SIN3A: variants seen among roughly 807,000 people sequenced by gnomAD.
The protein encoded by SIN3A is paired amphipathic helix protein Sin3a.
In SIN3A, 14 loss-of-function variants were observed where a neutral mutation model predicts 146.1. The ratio of observed to expected loss-of-function variants is 0.10; its 90% CI spans 0.06 to 0.15. The LOEUF (loss-of-function observed/expected upper bound fraction) is 0.15, where lower values mean the gene tolerates loss of function less well. SIN3A is among the 10% of genes least tolerant of loss of function. The pLI is 1.00. For missense variants in SIN3A, 1,028 were observed against 1,576.0 expected (o/e 0.65, Z 5.89); for synonymous variants, 572 against 572.0 (o/e 1.00, Z 0.00).
intron 9 of SIN3A, among the ~76,000 whole-genome samples, chr15:75,405,381 C>A (rs1005887858): frequency 1.6e-4 from 23 of 147,150 alleles, no homozygotes; most frequent in Non-Finnish European, 3.3e-4. Flanking sequence ...AAAAAAAAAA[C>A]CCAAAAATGT....
chr15:75,430,756 T>G (rs976187205), intron 1 of SIN3A, among the ~76,000 whole-genome samples: 8 of 152,152 alleles, frequency 5.3e-5, no homozygotes, highest in Admixed American at 2.6e-4. Context: ...CATATCTACA[T>G]GCTGCAAAAA....
intron 8 of SIN3A, among the ~76,000 whole-genome samples, chr15:75,408,787 A>G (rs1226568518): frequency 6.6e-6 from 1 of 152,266 alleles, no homozygotes; most frequent in Non-Finnish European, 1.5e-5. Context: ...ACAGGGTTCT[A>G]GACCAGAGAT....
intron 15 of SIN3A, among the ~76,000 whole-genome samples, chr15:75,390,669 C>T (rs769304512): frequency 1.3e-4 from 20 of 152,132 alleles, no homozygotes; most frequent in Non-Finnish European, 2.1e-4. Context: ...AACATAGGTA[C>T]GTCTAGTCTG....
intron 9 of SIN3A, among the ~76,000 whole-genome samples, chr15:75,404,840 G>T (rs1171930116): frequency 6.6e-6 from 1 of 151,924 alleles, no homozygotes; most frequent in Non-Finnish European, 1.5e-5. Context: ...ATTTTCAGAA[G>T]ACTCCTTAAG....
chr15:75,431,873 G>T (rs1451450855), intron 1 of SIN3A, among the ~76,000 whole-genome samples: 1 of 152,084 alleles, frequency 6.6e-6, no homozygotes, highest in East Asian at 1.9e-4. Flanking sequence ...ATACCTAAGT[G>T]GGACCCTGAC....
rs1440803297 is a variant in SIN3A at position 75,371,501 on chromosome 15, T to C, written c.*478A>G. ...CCAGAAAAAAAAAATCAAATCCAGC[T>C]TTTTTTTCCTTTTGTGGGGAGGGGA... On this transcript the variant is annotated 3_prime_UTR_variant, in exon 21 of 21. Coordinates refer to ENST00000394947, the MANE Select transcript of SIN3A (RefSeq NM_001145358.2). The C allele has an allele frequency of 6.5e-6, 1 of 154,378 alleles. No individual in the cohort carries two copies. Among genetic ancestry groups the C allele is most frequent in the African/African-American group, 2.4e-5 (1 of 41,428 alleles). The allele number at this position is 154,378 out of a possible 1,614,324, so 9.6% of individuals were successfully genotyped here. A position where few individuals can be genotyped will look rare whatever the true frequency, so the allele number is the denominator to read the frequency against.
intron 1 of SIN3A, among the ~76,000 whole-genome samples, chr15:75,441,272 C>A (rs1205574543): frequency 6.6e-6 from 1 of 152,042 alleles, no homozygotes; most frequent in African/African-American, 2.4e-5. Context: ...CCACTACACT[C>A]CAGCGTGGGC....
chr15:75,372,161 C>A lies in SIN3A; in HGVS notation c.3640G>T (p.Val1214Leu), dbSNP rs750796375. ...ACATGCTCCTTGGTCCATTTATCTA[C>A]CCAGGCCTGGAATCTCTGATGTAGA... ...KRLHQRFQAW[V>L]DKWTKEHVPR... The change falls in exon 21 of 21, where the codon GTA becomes TTA. Residue 1214 changes from valine (V) to leucine (L), a missense_variant. Physicochemically the swap from Val to Leu is conservative, Grantham distance 32 (BLOSUM62 1). Around this residue, in one of 9 missense-constraint regions of SIN3A, gnomAD observed 488 missense variants for 690.2 expected, o/e 0.71. Coordinates refer to ENST00000394947, the MANE Select transcript of SIN3A (RefSeq NM_001145358.2). 1.7e-5 allele frequency: 28 copies of A among 1,614,042 alleles called. No individual in the cohort carries two copies. The highest frequency in any genetic ancestry group is 2.4e-5 in the Non-Finnish European group (28 of 1,179,984).
rs2072707156 is a variant in SIN3A, at chr15:75,370,044, G to A, written c.*1935C>T. The A allele has an allele frequency of 6.6e-6, 1 of 152,490 alleles. No homozygotes were observed. Among genetic ancestry groups the A allele is most frequent in the Admixed American group, 6.5e-5 (1 of 15,274 alleles). The allele number at this position is 152,490 out of a possible 1,614,324, so 9.4% of individuals were successfully genotyped here. A position where few individuals can be genotyped will look rare whatever the true frequency, so the allele number is the denominator to read the frequency against. On this transcript the variant is annotated 3_prime_UTR_variant, in exon 21 of 21. Coordinates refer to ENST00000394947, the MANE Select transcript of SIN3A (RefSeq NM_001145358.2). ...GTGGGAGGACAGCTTGAGGCCAGGA[G>A]TTTGAGACCAACCTGGGCAGCATAG...
At chr15:75,410,403 G>T in intron 6 of SIN3A, 117 bp from the exon 7 acceptor site, 1 of 1,017,468 alleles carries the variant, frequency 9.8e-7, no homozygotes, top group Non-Finnish European at 1.4e-6. Flanking sequence ...GAAAGTCTAT[G>T]TTCTTAGCAC....
intron 12 of SIN3A, among the ~76,000 whole-genome samples, chr15:75,398,952 G>C (rs2073355271): frequency 6.6e-6 from 1 of 151,514 alleles, no homozygotes; most frequent in South Asian, 2.1e-4. Context: ...TGAGTTGATA[G>C]GTGCAGCAAA....
intron 1 of SIN3A, among the ~76,000 whole-genome samples, chr15:75,435,407 A>G (rs1013186644): frequency 1.3e-5 from 2 of 152,244 alleles, no homozygotes; most frequent in African/African-American, 4.8e-5. Context: ...AAGTGAAAAC[A>G]GCAGGCTAGG....
intron 2 of SIN3A, among the ~76,000 whole-genome samples, chr15:75,426,291 G>A (rs1341901196): frequency 3.9e-5 from 6 of 152,218 alleles, no homozygotes; most frequent in African/African-American, 1.4e-4. Flanking sequence ...GGATTAGACA[G>A]CCTCAAGGGG....
upstream of SIN3A, among the ~76,000 whole-genome samples, chr15:75,451,959 G>A (rs1162669515): frequency 6.6e-6 from 1 of 151,938 alleles, no homozygotes; most frequent in African/African-American, 2.4e-5. Context: ...CAACACTATT[G>A]GAGGAAGCAG....
upstream of SIN3A, among the ~76,000 whole-genome samples, chr15:75,452,134 T>C (rs576226286): frequency 6.6e-6 from 1 of 152,158 alleles, no homozygotes; most frequent in Admixed American, 6.5e-5. Context: ...TGGGGTAAAA[T>C]GTCTGTAAGT....
At chr15:75,434,755 C>G (rs575812760) in intron 1 of SIN3A, among the ~76,000 whole-genome samples, 1 of 151,756 alleles carries the variant, frequency 6.6e-6, no homozygotes. Context: ...TTGAGACCAG[C>G]CTGATCAACA....
At chr15:75,432,601 C>T (rs534876884) in intron 1 of SIN3A, among the ~76,000 whole-genome samples, 2 of 148,986 alleles carry the variant, frequency 1.3e-5, no homozygotes, top group South Asian at 2.1e-4. Flanking sequence ...GCATGAGAAT[C>T]GCTAGAATCC....
intron 3 of SIN3A, 79 bp from the exon 4 acceptor site, chr15:75,414,390 T>C (rs2073697413): frequency 1.6e-6 from 1 of 609,992 alleles, no homozygotes; most frequent in African/African-American, 1.9e-5. Context: ...ACAAATTATT[T>C]ATGCCTAAGT....
chr15:75,413,135 C>CG (rs1217340306), intron 4 of SIN3A, 90 bp from the exon 5 acceptor site: 108 of 1,315,338 alleles, frequency 8.2e-5, no homozygotes, highest in Non-Finnish European at 1.0e-4. Flanking sequence ...TCTTTTGAGA[C>CG]GGAGTCTCAC....
Sources: gnomAD v4.1 joint callset for allele counts (sites outside exome capture counted in the v4.1 genomes callset) on GRCh38, gnomAD v4.1.1 for gene constraint, gnomAD v4.1.1 regional missense constraint, MANE v1.5 for transcripts, NCBI Gene and HGNC (gene_info 2026-07-23, HGNC 2026-07-21) for gene names.